CPSF3: variants seen among roughly 807,000 people sequenced by gnomAD.
The protein encoded by CPSF3 is cleavage and polyadenylation specificity factor subunit 3.
In CPSF3, 57 loss-of-function variants were observed where a neutral mutation model predicts 84.1. That is an observed-to-expected ratio of 0.68 (90% CI 0.55 to 0.85). CPSF3 has a LOEUF of 0.85. CPSF3 is among the 40% of genes least tolerant of loss of function. The pLI is 0.00. For synonymous variants in CPSF3, 275 were observed against 278.1 expected (o/e 0.99, Z 0.11); for missense variants, 522 against 838.8 (o/e 0.62, Z 4.66).
intron 8 of CPSF3, among the ~76,000 whole-genome samples, chr2:9,440,925 G>A (rs1222734707): frequency 1.3e-5 from 2 of 152,202 alleles, no homozygotes; most frequent in Admixed American, 6.5e-5. Context: ...GAGTCTTACC[G>A]CTTCTCAACA....
At chr2:9,431,286 T>C (rs6750631) in intron 4 of CPSF3, among the ~76,000 whole-genome samples, 12,195 of 152,272 alleles carry the variant, frequency 0.08, 1,618 homozygotes, top group African/African-American at 0.27. Flanking sequence ...ACTCCTGGGC[T>C]CCAGTGATCC....
rs760740394 is a variant in CPSF3 at position 9,423,751 on chromosome 2, C to T, written c.-23C>T. On this transcript the variant is annotated 5_prime_UTR_variant, in exon 1 of 18. Coordinates refer to ENST00000238112, the MANE Select transcript of CPSF3 (RefSeq NM_016207.4). ...ACCCCGGCGACCTGTTCCTCACCCC[C>T]GCTTCGCCCTCACACTTTCGGGATG... 6.8e-6 allele frequency: 11 copies of T among 1,612,720 alleles called. No individual in the cohort carries two copies. In the South Asian group the frequency reaches 8.8e-5, roughly 13 times the overall value.
chr2:9,457,114 C>T, intron 14 of CPSF3, 87 bp downstream of exon 14: 2 of 697,736 alleles, frequency 2.9e-6, no homozygotes, highest in Non-Finnish European at 4.8e-6. Flanking sequence ...TTAGTTTCTT[C>T]CCAATTAGAA....
intron 3 of CPSF3, among the ~76,000 whole-genome samples, 186 bp downstream of exon 3, chr2:9,430,206 A>G (rs1034742200): frequency 6.6e-6 from 1 of 152,172 alleles, no homozygotes; most frequent in Non-Finnish European, 1.5e-5. Context: ...GCTATGAAAA[A>G]CTTACCTACC....
chr2:9,424,886 TTAG>T (rs1680314642), intron 1 of CPSF3: 1 of 152,212 alleles, frequency 6.6e-6, no homozygotes, highest in Non-Finnish European at 1.5e-5. Flanking sequence ...ACTTGACCAA[TTAG>T]TAGGACAACA....
intron 8 of CPSF3, among the ~76,000 whole-genome samples, chr2:9,441,543 G>A (rs1680960422): frequency 6.6e-6 from 1 of 152,228 alleles, no homozygotes; most frequent in Non-Finnish European, 1.5e-5. Context: ...AGGCGCTGAA[G>A]ATGGTCCTGA....
chr2:9,463,727 T>C (rs879630532), intron 15 of CPSF3, among the ~76,000 whole-genome samples: 2 of 152,240 alleles, frequency 1.3e-5, no homozygotes, highest in Non-Finnish European at 2.9e-5. Context: ...GATTTTCACA[T>C]TTAGAGCAGA....
chr2:9,452,546 T>C (rs372818074), intron 11 of CPSF3, among the ~76,000 whole-genome samples: 5 of 152,160 alleles, frequency 3.3e-5, no homozygotes, highest in East Asian at 3.9e-4. Flanking sequence ...CTCTCTGTTA[T>C]GAGTTTGCAG....
intron 17 of CPSF3, among the ~76,000 whole-genome samples, chr2:9,472,668 G>A (rs563368079): frequency 6.6e-5 from 10 of 151,928 alleles, no homozygotes; most frequent in African/African-American, 2.4e-4. Context: ...CTTTTTTTTA[G>A]TTTGAGACCC....
intron 14 of CPSF3, among the ~76,000 whole-genome samples, chr2:9,458,346 G>A (rs1236697788): frequency 1.3e-5 from 2 of 152,168 alleles, no homozygotes; most frequent in Non-Finnish European, 2.9e-5. Context: ...AGAGGTTGCA[G>A]TGAGCCAGGA....
intron 13 of CPSF3, 51 bp downstream of exon 13, chr2:9,455,808 A>G: frequency 7.9e-7 from 1 of 1,270,372 alleles, no homozygotes; most frequent in Non-Finnish European, 1.1e-6. Context: ...TTTTAGTAAG[A>G]TAATTTTCTA....
intron 7 of CPSF3, among the ~76,000 whole-genome samples, 153 bp from the exon 8 acceptor site, chr2:9,440,338 A>G (rs1680927238): frequency 6.6e-6 from 1 of 152,202 alleles, no homozygotes; most frequent in Non-Finnish European, 1.5e-5. Context: ...AGTTACAACC[A>G]GGATAATTTT....
At chr2:9,438,896 A>G (rs2124821203) in intron 7 of CPSF3, among the ~76,000 whole-genome samples, 1 of 152,248 alleles carries the variant, frequency 6.6e-6, no homozygotes, top group Non-Finnish European at 1.5e-5. Context: ...TTCAAATCTT[A>G]TCTGTGTTTC....
At chr2:9,455,618 G>C (rs1258845677) in intron 12 of CPSF3, 41 bp from the exon 13 acceptor site, 1 of 1,350,162 alleles carries the variant, frequency 7.4e-7, no homozygotes, top group Non-Finnish European at 1.1e-6. Flanking sequence ...GTGTTTTGTA[G>C]GACTAGTATT....
rs141972024 is a variant in CPSF3, at chr2:9,453,011, C to T, written c.1494C>T (p.Cys498=). 5.9e-5 allele frequency: 94 copies of T among 1,593,530 alleles called. No individual in the cohort carries two copies. In the African/African-American group the frequency reaches 7.0e-4, roughly 12 times the overall value. Residue 498 remains cysteine, a synonymous_variant, in exon 12 of 18, where the codon TGC becomes TGT. Transcript: ENST00000238112. ...RNFNYHILSP[C]DLSNYTDLAM... is the part of the protein sequence containing the mutation. The stretch of plus-strand genomic sequence containing the variant: ...TTAATTATCACATACTTTCTCCTTG[C>T]GACCTGTCCAGTAAGTATACTATTA...
chr2:9,457,098 A>T, intron 14 of CPSF3, 71 bp downstream of exon 14: 1 of 859,182 alleles, frequency 1.2e-6, no homozygotes, highest in Non-Finnish European at 1.9e-6. Context: ...ACAATTGTAG[A>T]GAAAATTAGT....
In CPSF3 at chr2:9,433,949, A is replaced by G. The variant is rs1313062949; in HGVS notation, c.598A>G (p.Ile200Val). The change falls in exon 6 of 18, where the codon ATT becomes GTT. Residue 200 changes from isoleucine to valine, a missense_variant. Around this residue, in one of 2 missense-constraint regions of CPSF3, gnomAD observed 329 missense variants for 607.2 expected, o/e 0.54. Coordinates refer to ENST00000238112, the MANE Select transcript of CPSF3 (RefSeq NM_016207.4). ...TGAAATTCCTAATATTAAGCCTGAT[A>G]TTCTTATCATTGTAAGTATTAATAT... ...AAEIPNIKPD[I>V]LIIESTYGTH... The G allele has an allele frequency of 6.4e-7, 1 of 1,566,466 alleles. No homozygotes were observed. The highest frequency in any genetic ancestry group is 1.4e-5 in the African/African-American group (1 of 73,908).
intron 11 of CPSF3, among the ~76,000 whole-genome samples, chr2:9,449,551 C>T (rs767382720): frequency 1.2e-4 from 18 of 152,034 alleles, no homozygotes; most frequent in South Asian, 2.1e-4. Flanking sequence ...AGACCAGGCT[C>T]GGCAACGTGG....
chr2:9,454,965 G>T (rs190743969), intron 12 of CPSF3, among the ~76,000 whole-genome samples: 1 of 152,260 alleles, frequency 6.6e-6, no homozygotes, highest in East Asian at 1.9e-4. Context: ...TGATACATAT[G>T]TGAAGAGAAA....
Sources: allele counts gnomAD v4.1 joint callset (sites outside exome capture counted in the v4.1 genomes callset), GRCh38; gene constraint gnomAD v4.1.1; regional missense constraint gnomAD v4.1.1; transcripts MANE v1.5; gene names NCBI Gene and HGNC (gene_info 2026-07-23, HGNC 2026-07-21).